The following DNAH14 variants were observed in gnomAD, a reference collection of about 807,000 sequenced individuals.
DNAH14 encodes dynein axonemal heavy chain 14.
In DNAH14, 478 loss-of-function variants were observed where a neutral mutation model predicts 520.9. The observed-to-expected ratio is 0.92, with a 90% CI of 0.85 to 0.99. The LOEUF (loss-of-function observed/expected upper bound fraction) is 0.99. DNAH14 is among the 50% of genes least tolerant of loss of function. The pLI is 0.00. For missense variants in DNAH14, 4,831 were observed against 5,234.5 expected (o/e 0.92, Z 2.38); for synonymous variants, 1,581 against 1,757.2 (o/e 0.90, Z 2.51).
intron 73 of DNAH14, among the ~76,000 whole-genome samples, chr1:225,356,675 C>T (rs2095433045): frequency 6.6e-6 from 1 of 152,092 alleles, no homozygotes; most frequent in Non-Finnish European, 1.5e-5. Flanking sequence ...TTGAAAATAT[C>T]TAGAAGGAGC....
At chr1:225,261,106 C>A (rs2092919806) in intron 46 of DNAH14, among the ~76,000 whole-genome samples, 1 of 152,170 alleles carries the variant, frequency 6.6e-6, no homozygotes, top group Admixed American at 6.5e-5. Context: ...TTCACCTCTT[C>A]TTTTCCTATT....
At chr1:225,086,685 A>G (rs893694754) in intron 21 of DNAH14, among the ~76,000 whole-genome samples, 1 of 152,104 alleles carries the variant, frequency 6.6e-6, no homozygotes, top group Non-Finnish European at 1.5e-5. Flanking sequence ...AATAAACCAA[A>G]TGGACTTTAT....
chr1:225,014,560 C>T (rs1287628362), intron 10 of DNAH14, among the ~76,000 whole-genome samples: 3 of 152,090 alleles, frequency 2.0e-5, no homozygotes, highest in Non-Finnish European at 4.4e-5. Context: ...AGTTTCTTCA[C>T]CCATTTGTTG....
intron 8 of DNAH14, among the ~76,000 whole-genome samples, chr1:224,995,686 T>C (rs1188723215): frequency 1.3e-5 from 2 of 152,090 alleles, no homozygotes; most frequent in Non-Finnish European, 1.5e-5. Flanking sequence ...CTCTTGGATC[T>C]CTTGACAGTG....
chr1:225,014,682 A>G (rs1400016391), intron 10 of DNAH14, among the ~76,000 whole-genome samples: 1 of 152,118 alleles, frequency 6.6e-6, no homozygotes, highest in Non-Finnish European at 1.5e-5. Flanking sequence ...TATGATTTTA[A>G]TTTCTGAAAT....
chr1:225,166,615 T>C (rs532482425), intron 35 of DNAH14, among the ~76,000 whole-genome samples: 1 of 152,332 alleles, frequency 6.6e-6, no homozygotes, highest in African/African-American at 2.4e-5. Context: ...TCTGTAGTTG[T>C]GCTATTTATA....
intron 46 of DNAH14, among the ~76,000 whole-genome samples, chr1:225,263,782 G>C (rs923812910): frequency 2.0e-5 from 3 of 152,090 alleles, no homozygotes; most frequent in Non-Finnish European, 4.4e-5. Flanking sequence ...AAGCTGAAGT[G>C]AGTTTTAACA....
chr1:225,368,155 T>C, intron 77 of DNAH14, 123 bp downstream of exon 77: 3 of 824,302 alleles, frequency 3.6e-6, no homozygotes, highest in Non-Finnish European at 5.5e-6. Flanking sequence ...ACTCTATAAC[T>C]AGGCAATAAG....
chr1:225,252,230 G>T, intron 43 of DNAH14, 71 bp from the exon 44 acceptor site: 1 of 828,156 alleles, frequency 1.2e-6, no homozygotes, highest in Non-Finnish European at 2.0e-6. Flanking sequence ...TTCAGAGAGA[G>T]TTTACATGGT....
At chr1:225,273,841 T>C (rs931146928) in intron 52 of DNAH14, among the ~76,000 whole-genome samples, 2 of 152,320 alleles carry the variant, frequency 1.3e-5, no homozygotes, top group East Asian at 3.9e-4. Flanking sequence ...AGCAGTGATC[T>C]AGGCTCCATT....
Position 225,054,103 on chromosome 1 carries a change from G to A in DNAH14, c.2424+2308G>A, listed in dbSNP as rs190741357. 3.3e-5 allele frequency among the ~76,000 whole-genome samples: 5 copies of A among 152,236 alleles called. No individual in the cohort carries two copies. The East Asian group carries it at 9.7e-4, about 29-fold the overall frequency. On this transcript the variant is annotated intron_variant, in intron 17 of 85. Coordinates refer to ENST00000682510, the MANE Select transcript of DNAH14 (RefSeq NM_001367479.1). ...GTTAATGCCGGGTCAGACAGTGGCA[G>A]GCAGTAAAGACATTTTCTGCCTCCT...
At chr1:225,350,066 A>G (rs912062431) in intron 71 of DNAH14, among the ~76,000 whole-genome samples, 1 of 152,208 alleles carries the variant, frequency 6.6e-6, no homozygotes, top group Non-Finnish European at 1.5e-5. Context: ...AGTCTTAACA[A>G]ATTCAAGAAG....
chr1:225,390,479 C>G (rs1034229818), intron 83 of DNAH14, among the ~76,000 whole-genome samples: 1 of 152,114 alleles, frequency 6.6e-6, no homozygotes, highest in Non-Finnish European at 1.5e-5. Context: ...GCACCTGATA[C>G]AGGCCCCAGC....
intron 1 of DNAH14, among the ~76,000 whole-genome samples, chr1:224,944,507 G>A (rs917440160): frequency 2.7e-5 from 4 of 145,554 alleles, no homozygotes; most frequent in South Asian, 2.1e-4. Flanking sequence ...GGTTAATATC[G>A]TTATGTGTGA....
chr1:225,051,408 A>T (rs1395090445), intron 16 of DNAH14, 43 bp from the exon 17 acceptor site: 1 of 1,357,280 alleles, frequency 7.4e-7, no homozygotes, highest in Non-Finnish European at 9.7e-7. Context: ...TTTCACTCTT[A>T]AAATAAAAAT....
In DNAH14 at chr1:225,271,294, A is replaced by AT. The variant is rs766958699; in HGVS notation, c.7671+436dup. 5.9e-5 allele frequency among the ~76,000 whole-genome samples: 9 copies of AT among 152,096 alleles called. No individual in the cohort carries two copies. The East Asian group carries it at 1.2e-3, about 20-fold the overall frequency. On this transcript the variant is annotated intron_variant, in intron 50 of 85. Coordinates refer to ENST00000682510, the MANE Select transcript of DNAH14 (RefSeq NM_001367479.1). ...CAGGTAGACTTTCTTCTAAAACAGG[A>AT]TTTTTTTTCAGGTGCGAACTATTTA...
Position 225,284,983 on chromosome 1 carries a change from C to T in DNAH14, c.8272-4902C>T, listed in dbSNP as rs916460192. ...AGGAAAAGAAGGAAGCTTCAGCAAC[C>T]TAATAAAGAGCTTCTGTGAAAAACT... On this transcript the variant is annotated intron_variant, in intron 54 of 85. Coordinates refer to ENST00000682510, the MANE Select transcript of DNAH14 (RefSeq NM_001367479.1). Among the ~76,000 whole-genome samples the T allele has an allele frequency of 4.6e-5, 7 of 152,196 alleles. No individual in the cohort carries two copies. In the South Asian group the frequency reaches 1.5e-3, roughly 32 times the overall value.
intron 15 of DNAH14, among the ~76,000 whole-genome samples, chr1:225,048,294 A>G (rs1285509199): frequency 6.6e-6 from 1 of 152,176 alleles, no homozygotes; most frequent in African/African-American, 2.4e-5. Context: ...TGAGCTCAGG[A>G]GTTCAAGACC....
chr1:225,174,483 C>T (rs2083094736), intron 36 of DNAH14, among the ~76,000 whole-genome samples: 1 of 152,118 alleles, frequency 6.6e-6, no homozygotes, highest in South Asian at 2.1e-4. Flanking sequence ...AGTGTTGCTA[C>T]TGGCATATAG....
Sources: gnomAD v4.1 joint callset for allele counts (sites outside exome capture counted in the v4.1 genomes callset) on GRCh38, gnomAD v4.1.1 for gene constraint, MANE v1.5 for transcripts, NCBI Gene and HGNC (gene_info 2026-07-23, HGNC 2026-07-21) for gene names.